GRM1: variants seen among roughly 807,000 people sequenced by gnomAD.
The protein encoded by GRM1 is glutamate metabotropic receptor 1.
A neutral mutation model predicts 90.9 loss-of-function variants in GRM1; 33 were observed. That is an observed-to-expected ratio of 0.36 (90% CI 0.28 to 0.49). The LOEUF is 0.49. Ranked by LOEUF, GRM1 falls within the 20% of genes least tolerant of loss-of-function variation. The pLI is 0.99. For synonymous variants in GRM1, 700 were observed against 613.2 expected, an observed-to-expected ratio of 1.14 and a Z score of -2.09; for missense variants, 1,190 against 1,534.3, an observed-to-expected ratio of 0.78 and a Z score of 3.75.
chr6:146,343,880 C>CA (rs1785075030), intron 3 of GRM1, among the ~76,000 whole-genome samples: 1 of 151,932 alleles, frequency 6.6e-6, no homozygotes, highest in African/African-American at 2.4e-5. Flanking sequence ...TTTTTTTCCC[C>CA]AAAAAGTCCT....
chr6:146,070,576 A>G (rs1230758855), intron 1 of GRM1, among the ~76,000 whole-genome samples: 2 of 152,116 alleles, frequency 1.3e-5, no homozygotes, highest in Non-Finnish European at 2.9e-5. Context: ...TCCCTATGGA[A>G]CCTGAGGTTT....
At chr6:146,383,985 G>A (rs1776408087) in intron 5 of GRM1, among the ~76,000 whole-genome samples, 1 of 152,032 alleles carries the variant, frequency 6.6e-6, no homozygotes, top group African/African-American at 2.4e-5. Context: ...AACAAACAAG[G>A]TGAACCCTAA....
At chr6:146,369,900 G>C (rs1480276888) in intron 5 of GRM1, among the ~76,000 whole-genome samples, 2 of 146,612 alleles carry the variant, frequency 1.4e-5, no homozygotes, top group Non-Finnish European at 3.0e-5. Context: ...TGAATGATTG[G>C]TCCATTGCTA....
At chr6:146,219,064 C>A (rs1779969011) in intron 2 of GRM1, among the ~76,000 whole-genome samples, 1 of 152,058 alleles carries the variant, frequency 6.6e-6, no homozygotes, top group African/African-American at 2.4e-5. Flanking sequence ...TTGCTCAAGC[C>A]TGGGTTATTT....
chr6:146,361,580 T>C (rs955374148), intron 5 of GRM1, among the ~76,000 whole-genome samples: 1 of 152,172 alleles, frequency 6.6e-6, no homozygotes. Flanking sequence ...ATTGGTCAAG[T>C]ATGTTCATAA....
intron 2 of GRM1, among the ~76,000 whole-genome samples, chr6:146,198,273 T>C (rs1418822292): frequency 2.6e-5 from 4 of 152,186 alleles, no homozygotes; most frequent in Non-Finnish European, 5.9e-5. Context: ...TGGTAGTCTA[T>C]AGTCATTGTC....
chr6:146,365,601 C>G (rs1053532006), intron 5 of GRM1: 1 of 152,194 alleles, frequency 6.6e-6, no homozygotes, highest in African/African-American at 2.4e-5. Context: ...AATATACACA[C>G]AGAAAAGTAG....
intron 2 of GRM1, among the ~76,000 whole-genome samples, chr6:146,283,901 A>C (rs1225976789): frequency 6.6e-6 from 1 of 152,230 alleles, no homozygotes; most frequent in Non-Finnish European, 1.5e-5. Flanking sequence ...ATGATAGATA[A>C]TACAGAAACA....
chr6:146,071,005 G>A (rs1345958694), intron 1 of GRM1, among the ~76,000 whole-genome samples: 1 of 152,030 alleles, frequency 6.6e-6, no homozygotes, highest in East Asian at 1.9e-4. Context: ...TTAGCCTATG[G>A]GGCTTGGGAA....
chr6:146,265,845 C>A (rs1781865806), intron 2 of GRM1, among the ~76,000 whole-genome samples: 1 of 152,142 alleles, frequency 6.6e-6, no homozygotes, highest in South Asian at 2.1e-4. Context: ...TATGGGTTGT[C>A]TATTGTGTTC....
chr6:146,193,736 G>A (rs1779012652), intron 2 of GRM1, among the ~76,000 whole-genome samples: 1 of 151,634 alleles, frequency 6.6e-6, no homozygotes, highest in South Asian at 2.1e-4. Context: ...TAGGTCATAC[G>A]TCTAGGTTGT....
At position 146,171,619 on chromosome 6, in the gene GRM1, T is replaced by C. The variant is rs1583107838; in HGVS notation, c.950+12022T>C. 9.0e-5 allele frequency: 23 copies of C among 254,714 alleles called. No individual in the cohort carries two copies. The South Asian group carries it at 1.4e-3, about 16-fold the overall frequency. 15.8% of individuals were successfully genotyped at this position (254,714 alleles called of 1,614,324 possible). ...ATTGGCTGCAACAGCTGTGGGGGGG[T>C]GAATTTTTTCTCCTTCAGCTTGCAA... On this transcript the variant is annotated intron_variant, in intron 2 of 7. Coordinates refer to ENST00000282753, the MANE Select transcript of GRM1 (RefSeq NM_001278064.2).
intron 1 of GRM1, among the ~76,000 whole-genome samples, chr6:146,117,771 TG>T (rs1382361153): frequency 6.6e-6 from 1 of 152,148 alleles, no homozygotes; most frequent in Non-Finnish European, 1.5e-5. Flanking sequence ...CATTTGCACA[TG>T]TACAATAGAG....
chr6:146,078,181 T>C (rs948499959), intron 1 of GRM1, among the ~76,000 whole-genome samples: 19 of 152,224 alleles, frequency 1.2e-4, no homozygotes, highest in African/African-American at 4.3e-4. Context: ...GAATGTTTCC[T>C]AGTGTTTAGT....
chr6:146,061,271 T>G (rs191015795), intron 1 of GRM1, among the ~76,000 whole-genome samples: 1 of 152,100 alleles, frequency 6.6e-6, no homozygotes, highest in East Asian at 1.9e-4. Context: ...ATAACCCAAA[T>G]GTGACAGAGA....
At chr6:146,154,510 G>T (rs778730649) in intron 1 of GRM1, among the ~76,000 whole-genome samples, 3 of 151,956 alleles carry the variant, frequency 2.0e-5, no homozygotes, top group Non-Finnish European at 4.4e-5. Flanking sequence ...GCTTCGTTTG[G>T]GCTTCACTGG....
At chr6:146,135,659 G>T (rs1467944973) in intron 1 of GRM1, among the ~76,000 whole-genome samples, 2 of 152,252 alleles carry the variant, frequency 1.3e-5, no homozygotes, top group East Asian at 3.9e-4. Flanking sequence ...TTTAATTTTA[G>T]TGGGTGCATA....
chr6:146,369,027 ATTATT>A (rs1775802466), intron 5 of GRM1, among the ~76,000 whole-genome samples: 1 of 151,916 alleles, frequency 6.6e-6, no homozygotes, highest in Non-Finnish European at 1.5e-5. Flanking sequence ...CATTTTACCC[ATTATT>A]GGTGTGTTCA....
chr6:146,373,094 T>C (rs1005684203), intron 5 of GRM1, among the ~76,000 whole-genome samples: 3 of 152,138 alleles, frequency 2.0e-5, no homozygotes, highest in African/African-American at 7.2e-5. Flanking sequence ...TTCTAATCAA[T>C]TAACATAAAA....
Sources: gnomAD v4.1 joint callset for allele counts (sites outside exome capture counted in the v4.1 genomes callset) on GRCh38, gnomAD v4.1.1 for gene constraint, MANE v1.5 for transcripts, NCBI Gene and HGNC (gene_info 2026-07-23, HGNC 2026-07-21) for gene names.